The following ATP8B4 variants were observed in gnomAD, a reference collection of about 807,000 sequenced individuals.
ATP8B4 encodes probable phospholipid-transporting ATPase IM.
ATP8B4 carries 133 observed loss-of-function variants against 145.6 expected under a neutral mutation model. The observed-to-expected ratio is 0.91, with a 90% CI of 0.79 to 1.05. The LOEUF is 1.05. Among genes scored for constraint, ATP8B4 ranks in the 50% least tolerant of loss-of-function variants. ATP8B4 has a pLI of 0.00. For synonymous variants in ATP8B4, 507 were observed against 492.9 expected, an observed-to-expected ratio of 1.03 and a Z score of -0.38; for missense variants, 1,458 against 1,425.2, an observed-to-expected ratio of 1.02 and a Z score of -0.37.
At chr15:50,037,590 C>T (rs1599961839) in intron 6 of ATP8B4, among the ~76,000 whole-genome samples, 1 of 152,168 alleles carries the variant, frequency 6.6e-6, no homozygotes, top group African/African-American at 2.4e-5. Flanking sequence ...CAGAGTAGGA[C>T]AAAACTCATA....
chr15:50,075,314 A>G (rs2054105176), intron 2 of ATP8B4, among the ~76,000 whole-genome samples: 1 of 152,094 alleles, frequency 6.6e-6, no homozygotes, highest in South Asian at 2.1e-4. Flanking sequence ...ATATTTCAGC[A>G]CCCACCTCTT....
At chr15:49,973,511 T>A (rs529732857) in intron 12 of ATP8B4, among the ~76,000 whole-genome samples, 1 of 152,332 alleles carries the variant, frequency 6.6e-6, no homozygotes, top group East Asian at 1.9e-4. Context: ...GAAAACAGTA[T>A]TTCCATGAAG....
rs1257960598 is a variant in ATP8B4, at chr15:49,860,556, C to G, written c.3298-81G>C. ...AGTGGCCCACTTTGTAAAGTGAAAG[C>G]CTTTTTTTTTTATAAGTAAAAACAA... On this transcript the variant is annotated intron_variant, in intron 27 of 27. Coordinates refer to ENST00000284509, the MANE Select transcript of ATP8B4 (RefSeq NM_024837.4). 3.5e-6 allele frequency: 5 copies of G among 1,423,824 alleles called. No homozygotes were observed. In the African/African-American group the frequency reaches 4.3e-5, roughly 12 times the overall value. The allele number at this position is 1,423,824 out of a possible 1,614,324, so 88.2% of individuals were successfully genotyped here.
intron 16 of ATP8B4, among the ~76,000 whole-genome samples, chr15:49,928,386 G>A (rs574978314): frequency 6.6e-6 from 1 of 152,224 alleles, no homozygotes; most frequent in African/African-American, 2.4e-5. Flanking sequence ...AGAACAGCAT[G>A]TCCAAAGGGT....
intron 7 of ATP8B4, among the ~76,000 whole-genome samples, chr15:50,003,352 T>C (rs918604117): frequency 6.7e-6 from 1 of 149,194 alleles, no homozygotes; most frequent in Non-Finnish European, 1.5e-5. Flanking sequence ...TGGGGAAAAA[T>C]ACCCTGTGAC....
chr15:49,928,406 A>G (rs1183219795), intron 16 of ATP8B4, among the ~76,000 whole-genome samples: 1 of 152,114 alleles, frequency 6.6e-6, no homozygotes, highest in Admixed American at 6.5e-5. Context: ...TATAACAGCA[A>G]CAATGCATCC....
At chr15:50,029,627 A>G (rs1391909770) in intron 6 of ATP8B4, among the ~76,000 whole-genome samples, 1 of 152,192 alleles carries the variant, frequency 6.6e-6, no homozygotes, top group East Asian at 1.9e-4. Context: ...TGTTGCAAAT[A>G]TCTTTGTACT....
At chr15:50,168,291 C>T (rs2044622601) in intron 1 of ATP8B4, among the ~76,000 whole-genome samples, 1 of 152,064 alleles carries the variant, frequency 6.6e-6, no homozygotes, top group African/African-American at 2.4e-5. Context: ...CCAAGAGGAC[C>T]CACAGACCCT....
intron 27 of ATP8B4, among the ~76,000 whole-genome samples, chr15:49,861,712 C>T (rs2031851222): frequency 6.6e-6 from 1 of 152,136 alleles, no homozygotes. Context: ...ATTTCTATAA[C>T]CTGTTCTTCC....
chr15:50,018,388 C>A (rs887300617), intron 6 of ATP8B4, among the ~76,000 whole-genome samples: 3 of 152,166 alleles, frequency 2.0e-5, no homozygotes, highest in Admixed American at 6.5e-5. Context: ...CCCCTCTAAT[C>A]TAGACACCAT....
At chr15:50,159,601 C>A (rs898042548) in intron 1 of ATP8B4, among the ~76,000 whole-genome samples, 1 of 152,122 alleles carries the variant, frequency 6.6e-6, no homozygotes, top group Non-Finnish European at 1.5e-5. Flanking sequence ...AGTTTTTTCC[C>A]CACTCAGTTA....
At chr15:50,018,899 G>T (rs568380035) in intron 6 of ATP8B4, 282 of 1,239,798 alleles carry the variant, frequency 2.3e-4, no homozygotes, top group Non-Finnish European at 2.6e-4. Flanking sequence ...ATTTTTCTCA[G>T]GACCAGGATA....
At chr15:50,173,876 T>C (rs752530736) in intron 1 of ATP8B4, among the ~76,000 whole-genome samples, 2 of 152,096 alleles carry the variant, frequency 1.3e-5, no homozygotes, top group South Asian at 2.1e-4. Flanking sequence ...TGGATGAACA[T>C]AGATGCTAAA....
intron 22 of ATP8B4, among the ~76,000 whole-genome samples, 162 bp downstream of exon 22, chr15:49,897,906 G>C (rs997677626): frequency 6.6e-6 from 1 of 152,094 alleles, no homozygotes; most frequent in Non-Finnish European, 1.5e-5. Context: ...ATTTTGTTAC[G>C]AATACTAATA....
intron 20 of ATP8B4, among the ~76,000 whole-genome samples, chr15:49,911,538 G>A (rs2039228441): frequency 6.6e-6 from 1 of 151,998 alleles, no homozygotes; most frequent in African/African-American, 2.4e-5. Context: ...GATATATAAA[G>A]CAGATATCAT....
At chr15:50,031,444 C>T (rs2050436678) in intron 6 of ATP8B4, among the ~76,000 whole-genome samples, 1 of 152,098 alleles carries the variant, frequency 6.6e-6, no homozygotes. Context: ...AAGGGAATAA[C>T]TCAATGGAGG....
At chr15:49,914,903 T>C (rs541934744) in intron 20 of ATP8B4, among the ~76,000 whole-genome samples, 13 of 152,228 alleles carry the variant, frequency 8.5e-5, no homozygotes, top group Admixed American at 5.2e-4. Flanking sequence ...CTATGGAGAT[T>C]TCTCCAAAAA....
At position 50,178,648 on chromosome 15, in the gene ATP8B4, C is replaced by T. The variant is rs939685454; in HGVS notation, c.-43+3613G>A. On this transcript the variant is annotated intron_variant, in intron 1 of 3. Coordinates refer to the ATP8B4 transcript ENST00000558829. ...GAGTAGCTGGAATTACAGGTGCATG[C>T]CCCCACACTTGGATAATTTCTGTAC... is the stretch of plus-strand genomic sequence containing the variant. Among the ~76,000 whole-genome samples the T allele has an allele frequency of 7.9e-5, 12 of 152,228 alleles. No homozygotes were observed. The South Asian group carries it at 1.5e-3, about 18-fold the overall frequency.
At position 49,972,643 on chromosome 15, in the gene ATP8B4, C is replaced by T. The variant is rs369503264; in HGVS notation, c.1182G>A (p.Thr394=). The change falls in exon 13 of 28, where the codon ACG becomes ACA. Residue 394 remains threonine (T), a synonymous_variant. Transcript: ENST00000284509. ...TCATGATGTTTTGAGTGAGGGTACCCGTTTTGTCGGAGAAAATGTACTCAA... is the reference window on the plus strand; with the variant it reads ...TCATGATGTTTTGAGTGAGGGTACCTGTTTTGTCGGAGAAAATGTACTCAA... The part of the protein sequence containing the change: ...GQIEYIFSDK[T]GTLTQNIMTF... The T allele has an allele frequency of 8.1e-6, 13 of 1,613,730 alleles. No homozygotes were observed. Among genetic ancestry groups the T allele is most frequent in the East Asian group, 2.2e-5 (1 of 44,866 alleles).
Sources: gnomAD v4.1 joint callset for allele counts (sites outside exome capture counted in the v4.1 genomes callset) on GRCh38, gnomAD v4.1.1 for gene constraint, MANE v1.5 for transcripts, NCBI Gene and HGNC (gene_info 2026-07-23, HGNC 2026-07-21) for gene names.